The following RBM26 variants were observed in gnomAD, a reference collection of about 807,000 sequenced individuals.
RBM26 encodes RNA binding motif protein 26.
RBM26 carries 30 observed loss-of-function variants against 123.6 expected under a neutral mutation model. That is an observed-to-expected ratio of 0.24 (90% confidence interval 0.18 to 0.33). RBM26 has a LOEUF of 0.33. RBM26 is among the 10% of genes least tolerant of loss of function. The probability of loss-of-function intolerance (pLI) is 1.00; values close to 1 mark genes in which losing one functional copy is unlikely to be tolerated. For synonymous variants in RBM26, 400 were observed against 404.4 expected (o/e 0.99, Z 0.13); for missense variants, 947 against 1,203.6 (o/e 0.79, Z 3.15).
chr13:79,391,230 G>C (rs1212171147), intron 1 of RBM26, among the ~76,000 whole-genome samples: 1 of 152,160 alleles, frequency 6.6e-6, no homozygotes, highest in Non-Finnish European at 1.5e-5. Flanking sequence ...GTCAATTAGA[G>C]TTCATTAATT....
intron 3 of RBM26, among the ~76,000 whole-genome samples, chr13:79,373,289 T>C (rs1231289360): frequency 9.2e-6 from 1 of 108,290 alleles, no homozygotes; most frequent in Admixed American, 1.4e-4. Context: ...TATATATTTA[T>C]ATATAAATAT....
intron 10 of RBM26, among the ~76,000 whole-genome samples, chr13:79,359,363 A>G (rs987438687): frequency 1.3e-5 from 2 of 152,192 alleles, no homozygotes; most frequent in Non-Finnish European, 2.9e-5. Flanking sequence ...GGAAAAAATT[A>G]TGCCCTGAAC....
At chr13:79,394,465 G>A (rs1401184272) in intron 1 of RBM26, among the ~76,000 whole-genome samples, 2 of 152,080 alleles carry the variant, frequency 1.3e-5, no homozygotes, top group South Asian at 2.1e-4. Context: ...TCAAAGTGCC[G>A]TTTTTGGAAG....
At chr13:79,348,806 G>A (rs759056003) in intron 14 of RBM26, among the ~76,000 whole-genome samples, 17 of 152,110 alleles carry the variant, frequency 1.1e-4, no homozygotes, top group Non-Finnish European at 1.8e-4. Context: ...AGAAGAATGG[G>A]ATTTTGGTTT....
At chr13:79,323,937 A>G (rs2068013867) in intron 20 of RBM26, among the ~76,000 whole-genome samples, 1 of 145,608 alleles carries the variant, frequency 6.9e-6, no homozygotes, top group South Asian at 2.2e-4. Context: ...TATAAGAAAC[A>G]TATTCCATAA....
chr13:79,329,284 G>A (rs2068922097), intron 20 of RBM26, among the ~76,000 whole-genome samples: 1 of 151,668 alleles, frequency 6.6e-6, no homozygotes, highest in East Asian at 1.9e-4. Context: ...TAAATGCAAA[G>A]TATCAGTATG....
intron 1 of RBM26, among the ~76,000 whole-genome samples, chr13:79,404,627 T>C (rs1358682057): frequency 1.3e-4 from 20 of 152,200 alleles, no homozygotes; most frequent in Admixed American, 1.3e-3. Flanking sequence ...CAATCACTTC[T>C]GCTACAGGGC....
intron 14 of RBM26, among the ~76,000 whole-genome samples, chr13:79,351,209 A>G (rs1176895611): frequency 2.0e-5 from 3 of 152,160 alleles, no homozygotes; most frequent in Non-Finnish European, 4.4e-5. Flanking sequence ...TACAGACTCC[A>G]AATATAACTG....
chr13:79,354,598 A>G (rs762029666), intron 12 of RBM26, 28 bp from the exon 13 acceptor site: 2 of 1,546,872 alleles, frequency 1.3e-6, no homozygotes, highest in Non-Finnish European at 1.8e-6. Context: ...ATGTTAAACA[A>G]GTTGATTCAT....
At position 79,371,148 on chromosome 13, in the gene RBM26, C is replaced by T; in HGVS notation, c.431G>A (p.Arg144Lys). The change falls in exon 5 of 22, where the codon AGG (arginine) becomes AAG (lysine). Residue 144 changes from arginine to lysine, a missense_variant. By Grantham distance (26) the Arg-to-Lys change is conservative. This residue lies in a region of RBM26 where 275 missense variants were observed against 361.0 expected (regional missense o/e 0.76). Transcript: ENST00000438737. ...RYRENRSRDE[R>K]KKDDRSRKRD... is the part of the protein sequence containing the mutation. Reference sequence around the variant, plus strand: ...TTTGCGAGAACGATCATCTTTTTTCCTCTCATCACGGCTTCTAAAGAAATA... The same window carrying T: ...TTTGCGAGAACGATCATCTTTTTTCTTCTCATCACGGCTTCTAAAGAAATA... 1 of 1,613,750 alleles carries T rather than the reference C, an allele frequency of 6.2e-7. No individual in the cohort carries two copies. The highest frequency in any genetic ancestry group is 8.5e-7 in the Non-Finnish European group (1 of 1,179,876).
intron 1 of RBM26, among the ~76,000 whole-genome samples, chr13:79,383,607 C>A (rs934211892): frequency 6.6e-6 from 1 of 152,022 alleles, no homozygotes; most frequent in African/African-American, 2.4e-5. Flanking sequence ...TACTCTGTCA[C>A]TGTTCTAGAT....
chr13:79,320,126 T>C lies in RBM26; in HGVS notation c.*495A>G. On this transcript the variant is annotated 3_prime_UTR_variant, in exon 22 of 22. Transcript: ENST00000438737. ...ATACATACACAGTCCAACAAAAGGC[T>C]AATACATAGTAAAGCCTAAGCATAC... 1.0e-6 allele frequency: 1 copy of C among 968,312 alleles called. No individual in the cohort carries two copies. The highest frequency in any genetic ancestry group is 4.8e-5 in the South Asian group (1 of 20,930). The allele number at this position is 968,312 out of a possible 1,614,324, so 60.0% of individuals were successfully genotyped here. A position where few individuals can be genotyped will look rare whatever the true frequency, so the allele number is the denominator to read the frequency against.
intron 17 of RBM26, among the ~76,000 whole-genome samples, 155 bp downstream of exon 17, chr13:79,342,509 T>C (rs2071580147): frequency 6.6e-6 from 1 of 151,856 alleles, no homozygotes; most frequent in South Asian, 2.1e-4. Flanking sequence ...AGTTTACTTG[T>C]TTGTACTTTT....
chr13:79,328,683 T>TA (rs747906560), intron 20 of RBM26, among the ~76,000 whole-genome samples: 11,898 of 38,504 alleles, frequency 0.31, 1,988 homozygotes, highest in Non-Finnish European at 0.4. Flanking sequence ...CTGCATTAAG[T>TA]AAAAAAAAAA....
intron 20 of RBM26, among the ~76,000 whole-genome samples, chr13:79,326,112 A>C (rs1420571353): frequency 3.3e-5 from 5 of 152,152 alleles, no homozygotes; most frequent in African/African-American, 1.2e-4. Context: ...ACAACAATGA[A>C]ATTGTCTAAC....
At chr13:79,364,428 G>A (rs1029410836) in intron 9 of RBM26, among the ~76,000 whole-genome samples, 2 of 152,140 alleles carry the variant, frequency 1.3e-5, no homozygotes, top group African/African-American at 4.8e-5. Flanking sequence ...CACAACTGAC[G>A]AAGCATGATT....
intron 1 of RBM26, among the ~76,000 whole-genome samples, chr13:79,403,433 T>C (rs1434919212): frequency 6.6e-6 from 1 of 152,156 alleles, no homozygotes; most frequent in East Asian, 1.9e-4. Context: ...GCATACACTC[T>C]AAGTAGCTAC....
intron 20 of RBM26, among the ~76,000 whole-genome samples, chr13:79,323,545 T>G (rs1459883587): frequency 6.6e-6 from 1 of 151,604 alleles, no homozygotes; most frequent in Non-Finnish European, 1.5e-5. Flanking sequence ...CACTGTTACA[T>G]AAAAATGTAT....
intron 10 of RBM26, among the ~76,000 whole-genome samples, chr13:79,359,164 C>A (rs550798415): frequency 3.3e-5 from 5 of 152,284 alleles, no homozygotes; most frequent in Non-Finnish European, 7.4e-5. Context: ...GACAGCCTCT[C>A]CAACCCCCAC....
Sources: gnomAD v4.1 joint callset for allele counts (sites outside exome capture counted in the v4.1 genomes callset) on GRCh38, gnomAD v4.1.1 for gene constraint, gnomAD v4.1.1 regional missense constraint, MANE v1.5 for transcripts, NCBI Gene and HGNC (gene_info 2026-07-23, HGNC 2026-07-21) for gene names.